CPNE4: variants seen among roughly 807,000 people sequenced by gnomAD.
The protein encoded by CPNE4 is copine-4.
In CPNE4, 25 loss-of-function variants were observed where a neutral mutation model predicts 67.9. The observed-to-expected ratio is 0.37, with a 90% CI of 0.27 to 0.51. The LOEUF (loss-of-function observed/expected upper bound fraction) is 0.51. CPNE4 is among the 20% of genes least tolerant of loss of function. The pLI is 0.93. For missense variants in CPNE4, 464 were observed against 690.8 expected (o/e 0.67, Z 3.68); for synonymous variants, 242 against 244.9 (o/e 0.99, Z 0.11).
intron 1 of CPNE4, among the ~76,000 whole-genome samples, chr3:132,033,397 G>C (rs1332219445): frequency 8.2e-5 from 4 of 49,036 alleles, no homozygotes; most frequent in Non-Finnish European, 2.5e-4. Flanking sequence ...GTGAGTGTGT[G>C]TGTGTGTCTG....
intron 8 of CPNE4, among the ~76,000 whole-genome samples, chr3:131,583,637 T>A (rs1465640352): frequency 6.6e-6 from 1 of 152,176 alleles, no homozygotes. Context: ...ATGGGTTGGC[T>A]TAGTCAGGAG....
chr3:131,939,427 T>TAAAA (rs2071322631), intron 1 of CPNE4, among the ~76,000 whole-genome samples: 3 of 152,162 alleles, frequency 2.0e-5, no homozygotes, highest in African/African-American at 7.2e-5. Context: ...AAAATGTATG[T>TAAAA]ATGTTTGCTT....
At chr3:131,805,086 C>A (rs2084261350) in intron 2 of CPNE4, among the ~76,000 whole-genome samples, 1 of 152,204 alleles carries the variant, frequency 6.6e-6, no homozygotes, top group South Asian at 2.1e-4. Context: ...GTCAAACCAA[C>A]AGAATTCTTA....
chr3:131,694,656 G>A (rs975088229), intron 5 of CPNE4, among the ~76,000 whole-genome samples: 5 of 152,130 alleles, frequency 3.3e-5, no homozygotes, highest in African/African-American at 1.2e-4. Context: ...TCTGGGAGAA[G>A]CCAGATACTC....
chr3:132,001,556 A>G (rs2073437746), intron 1 of CPNE4, among the ~76,000 whole-genome samples: 1 of 69,114 alleles, frequency 1.4e-5, no homozygotes, highest in South Asian at 4.2e-4. Flanking sequence ...GAAAAAAGAG[A>G]AAGAAAGAAA....
chr3:131,783,860 A>G (rs1203187665), intron 2 of CPNE4, among the ~76,000 whole-genome samples: 2 of 134,246 alleles, frequency 1.5e-5, no homozygotes, highest in Non-Finnish European at 3.3e-5. Flanking sequence ...AAAGGACAAG[A>G]GAGCTGAGTC....
At chr3:131,692,645 G>C (rs1233341425) in intron 5 of CPNE4, among the ~76,000 whole-genome samples, 1 of 152,198 alleles carries the variant, frequency 6.6e-6, no homozygotes, top group Non-Finnish European at 1.5e-5. Context: ...AGTGGGGACA[G>C]AGATCAGGTG....
intron 2 of CPNE4, among the ~76,000 whole-genome samples, chr3:131,837,720 A>G (rs2085613591): frequency 6.6e-6 from 1 of 152,020 alleles, no homozygotes; most frequent in African/African-American, 2.4e-5. Context: ...GAGAAAGTAC[A>G]TGGAAAAACT....
intron 1 of CPNE4, among the ~76,000 whole-genome samples, chr3:132,001,147 T>G (rs1172854084): frequency 6.6e-6 from 1 of 151,986 alleles, no homozygotes. Context: ...ATCTGAATAT[T>G]ATCACTGATC....
At chr3:131,662,389 A>T (rs1582980521) in intron 7 of CPNE4, among the ~76,000 whole-genome samples, 1 of 152,184 alleles carries the variant, frequency 6.6e-6, no homozygotes, top group African/African-American at 2.4e-5. Context: ...GGTGTTAAGG[A>T]TTTCTTATAG....
In CPNE4 at chr3:131,717,907, TTTCTTTC is replaced by T. The variant is rs1343467842; in HGVS notation, c.360+5532_360+5538del. ...CTTTCTTTCTTTCTTTCTTTCTTTC[TTTCTTTC>T]TTTCTTTCTTTCTTTCTTTCTTTCT... is the stretch of plus-strand genomic sequence containing the variant. On this transcript the variant is annotated intron_variant, in intron 3 of 15. Coordinates refer to ENST00000429747, the MANE Select transcript of CPNE4 (RefSeq NM_130808.3). Among the ~76,000 whole-genome samples the T allele has an allele frequency of 1.2e-3, 159 of 134,456 alleles. 8 individuals are homozygous for T. In the East Asian group the frequency reaches 0.031, roughly 26 times the overall value. 88.2% of individuals were successfully genotyped at this position (134,456 alleles called of 152,430 possible).
At chr3:131,772,804 G>A (rs971532825) in intron 2 of CPNE4, among the ~76,000 whole-genome samples, 1 of 152,132 alleles carries the variant, frequency 6.6e-6, no homozygotes, top group South Asian at 2.1e-4. Context: ...CATCATGAAT[G>A]TGCCTGGGGA....
intron 2 of CPNE4, among the ~76,000 whole-genome samples, chr3:131,744,284 TTAA>T (rs1435791027): frequency 6.6e-6 from 1 of 152,128 alleles, no homozygotes; most frequent in African/African-American, 2.4e-5. Flanking sequence ...TTTCTCTATT[TTAA>T]TAATAAGTAC....
At chr3:131,655,378 TGTG>T (rs1467155214) in intron 7 of CPNE4, among the ~76,000 whole-genome samples, 3 of 152,202 alleles carry the variant, frequency 2.0e-5, no homozygotes, top group Admixed American at 1.3e-4. Flanking sequence ...TAAGGTCTGT[TGTG>T]GTTCGTTACA....
chr3:131,548,897 G>C (rs1358102120), intron 14 of CPNE4, among the ~76,000 whole-genome samples: 5 of 152,166 alleles, frequency 3.3e-5, no homozygotes, highest in African/African-American at 1.2e-4. Flanking sequence ...ATGGAGTGCA[G>C]ATTATAAGTG....
intron 1 of CPNE4, among the ~76,000 whole-genome samples, chr3:131,980,870 T>G (rs1379862800): frequency 6.6e-6 from 1 of 152,176 alleles, no homozygotes; most frequent in East Asian, 1.9e-4. Flanking sequence ...CAGATTCTTT[T>G]GTCCCACATG....
intron 3 of CPNE4, among the ~76,000 whole-genome samples, chr3:131,711,616 G>T (rs1405066130): frequency 6.6e-6 from 1 of 152,086 alleles, no homozygotes; most frequent in African/African-American, 2.4e-5. Context: ...GGCCCTTGAC[G>T]GCTCATGTTC....
intron 2 of CPNE4, among the ~76,000 whole-genome samples, chr3:131,829,251 G>C (rs1240122242): frequency 6.6e-6 from 1 of 152,218 alleles, no homozygotes; most frequent in South Asian, 2.1e-4. Context: ...TGACATTTGG[G>C]TGGGGACACA....
At chr3:131,541,300 G>A (rs936506130) in intron 15 of CPNE4, among the ~76,000 whole-genome samples, 1 of 152,108 alleles carries the variant, frequency 6.6e-6, no homozygotes, top group Non-Finnish European at 1.5e-5. Context: ...GTAGGTGCAG[G>A]GATTTGTGGA....
Sources: gnomAD v4.1 joint callset for allele counts (sites outside exome capture counted in the v4.1 genomes callset) on GRCh38, gnomAD v4.1.1 for gene constraint, MANE v1.5 for transcripts, NCBI Gene and HGNC (gene_info 2026-07-23, HGNC 2026-07-21) for gene names.